The following ZNF277 variants were observed in gnomAD, a reference collection of about 807,000 sequenced individuals.
ZNF277 encodes the protein zinc finger protein 277, also known as nuclear receptor-interacting factor 4.
ZNF277 carries 55 observed loss-of-function variants against 60.7 expected under a neutral mutation model. That is an observed-to-expected ratio of 0.91 (90% CI 0.73 to 1.13). The LOEUF is 1.13. Among genes scored for constraint, ZNF277 ranks in the 50% most tolerant of loss-of-function variants. ZNF277 has a pLI of 0.00. For missense variants in ZNF277, 510 were observed against 523.0 expected (o/e 0.98, Z 0.24); for synonymous variants, 178 against 179.3 (o/e 0.99, Z 0.06).
intron 4 of ZNF277, among the ~76,000 whole-genome samples, chr7:112,297,384 A>G (rs945676587): frequency 6.6e-6 from 1 of 152,016 alleles, no homozygotes; most frequent in Admixed American, 6.6e-5. Context: ...TCTTTCTTTT[A>G]TCTTTGGACT....
At position 112,251,383 on chromosome 7, in the gene ZNF277, T is replaced by C. The variant is rs190608399; in HGVS notation, c.92-35490T>C. ...AGATTTTATATAATGGGATTTTATG[T>C]GAGATAATTTGGAGAGAGTTCCATA... On this transcript the variant is annotated intron_variant, in intron 1 of 11. Coordinates refer to ENST00000361822, the MANE Select transcript of ZNF277 (RefSeq NM_021994.3). Among the ~76,000 whole-genome samples, 8 of 152,308 alleles carry C rather than the reference T, an allele frequency of 5.3e-5. No homozygotes were observed. In the East Asian group the frequency reaches 1.5e-3, roughly 29 times the overall value.
At chr7:112,311,056 T>C (rs1371663590) in intron 4 of ZNF277, among the ~76,000 whole-genome samples, 1 of 152,170 alleles carries the variant, frequency 6.6e-6, no homozygotes, top group East Asian at 1.9e-4. Flanking sequence ...TTCCTGTGTA[T>C]AAATTCTTAC....
chr7:112,240,175 T>C (rs1790913886), intron 1 of ZNF277, among the ~76,000 whole-genome samples: 1 of 151,916 alleles, frequency 6.6e-6, no homozygotes. Context: ...ACACGAAGAC[T>C]AGAAGAAAGG....
chr7:112,324,245 G>A (rs916325273), intron 5 of ZNF277, among the ~76,000 whole-genome samples: 2 of 152,024 alleles, frequency 1.3e-5, no homozygotes, highest in East Asian at 3.8e-4. Flanking sequence ...AACACAAACT[G>A]TACTTTATAA....
chr7:112,208,567 C>T, intron 1 of ZNF277, among the ~76,000 whole-genome samples: 1 of 148,448 alleles, frequency 6.7e-6, no homozygotes, highest in East Asian at 2.0e-4. Context: ...GAGTTTGGTA[C>T]ATATTCTTTC....
At chr7:112,256,726 G>C (rs917832760) in intron 1 of ZNF277, among the ~76,000 whole-genome samples, 2 of 152,214 alleles carry the variant, frequency 1.3e-5, no homozygotes, top group African/African-American at 2.4e-5. Flanking sequence ...GATTACAGGC[G>C]TAAACCAGTG....
chr7:112,333,172 A>T (rs939714644), intron 7 of ZNF277, among the ~76,000 whole-genome samples: 14 of 152,064 alleles, frequency 9.2e-5, no homozygotes, highest in African/African-American at 3.1e-4. Context: ...AAAGATAGAT[A>T]TTCCCTTGTT....
intron 7 of ZNF277, among the ~76,000 whole-genome samples, chr7:112,334,339 C>T (rs1355215995): frequency 1.3e-5 from 2 of 150,334 alleles, no homozygotes; most frequent in Non-Finnish European, 3.0e-5. Flanking sequence ...GTTTTTCTTA[C>T]ATTCTTTGCT....
At chr7:112,232,786 G>A (rs1270491616) in intron 1 of ZNF277, among the ~76,000 whole-genome samples, 2 of 152,118 alleles carry the variant, frequency 1.3e-5, no homozygotes, top group Non-Finnish European at 2.9e-5. Flanking sequence ...ATGGTCAGTG[G>A]AGTACTTTGT....
intron 1 of ZNF277, among the ~76,000 whole-genome samples, chr7:112,226,483 T>A (rs1822179116): frequency 6.6e-6 from 1 of 152,224 alleles, no homozygotes. Flanking sequence ...CAAATCAGCA[T>A]CTTTGTTTCT....
chr7:112,329,161 G>C (rs1270813380), intron 6 of ZNF277, among the ~76,000 whole-genome samples: 1 of 152,134 alleles, frequency 6.6e-6, no homozygotes, highest in Non-Finnish European at 1.5e-5. Context: ...ATGAAAAGGT[G>C]TTTAGTAGAG....
intron 1 of ZNF277, among the ~76,000 whole-genome samples, chr7:112,233,170 T>A (rs756137284): frequency 1.3e-5 from 2 of 152,196 alleles, no homozygotes; most frequent in Non-Finnish European, 2.9e-5. Flanking sequence ...CTATCGGGAT[T>A]GTGATTGTGA....
intron 1 of ZNF277, among the ~76,000 whole-genome samples, chr7:112,209,007 A>G (rs368661003): frequency 7.2e-5 from 11 of 152,118 alleles, no homozygotes; most frequent in Admixed American, 7.2e-4. Flanking sequence ...ATAAAAAGGG[A>G]TAAATCTATA....
chr7:112,297,223 G>A (rs972317666), intron 4 of ZNF277, among the ~76,000 whole-genome samples: 3 of 151,632 alleles, frequency 2.0e-5, no homozygotes, highest in South Asian at 4.2e-4. Flanking sequence ...CACTGCACCC[G>A]GCTGAAAATT....
At chr7:112,265,850 A>G (rs1791538270) in intron 1 of ZNF277, among the ~76,000 whole-genome samples, 1 of 152,160 alleles carries the variant, frequency 6.6e-6, no homozygotes, top group Admixed American at 6.5e-5. Flanking sequence ...GAGAGTTTTA[A>G]TCAAAGTATT....
intron 4 of ZNF277, among the ~76,000 whole-genome samples, chr7:112,313,439 TGCCTG>T: frequency 6.6e-6 from 1 of 152,060 alleles, no homozygotes; most frequent in Admixed American, 6.6e-5. Context: ...CGCACCACCA[TGCCTG>T]GCCAATTGTT....
At position 112,285,435 on chromosome 7, in the gene ZNF277, T is replaced by C. The variant is rs1427404384; in HGVS notation, c.92-1438T>C. ...AAAGTAAGAAAAAAAAAATAGGAAA[T>C]TTTTTTTTTTTTTTTTTGGAATGAT... On this transcript the variant is annotated intron_variant, in intron 1 of 11. Coordinates refer to ENST00000361822, the MANE Select transcript of ZNF277 (RefSeq NM_021994.3). Among the ~76,000 whole-genome samples the C allele has an allele frequency of 8.1e-5, 5 of 61,920 alleles. No homozygotes were observed. The African/African-American group carries it at 1.2e-3, about 15-fold the overall frequency. 40.6% of individuals were successfully genotyped at this position (61,920 alleles called of 152,430 possible).
At chr7:112,248,326 T>C (rs1328420130) in intron 1 of ZNF277, among the ~76,000 whole-genome samples, 1 of 151,322 alleles carries the variant, frequency 6.6e-6, no homozygotes, top group African/African-American at 2.4e-5. Flanking sequence ...GGGGGGCAGT[T>C]CTTATATTTG....
At chr7:112,298,049 G>A (rs1792392826) in intron 4 of ZNF277, among the ~76,000 whole-genome samples, 1 of 152,152 alleles carries the variant, frequency 6.6e-6, no homozygotes, top group Non-Finnish European at 1.5e-5. Flanking sequence ...AGAATGAAAA[G>A]GCAATCAATC....
Sources: allele counts gnomAD v4.1 joint callset (sites outside exome capture counted in the v4.1 genomes callset), GRCh38; gene constraint gnomAD v4.1.1; transcripts MANE v1.5; gene names NCBI Gene and HGNC (gene_info 2026-07-23, HGNC 2026-07-21).